Variants in IPCEF1 observed in about 807,000 individuals in gnomAD.
IPCEF1 encodes interactor protein for cytohesin exchange factors 1.
Under a neutral mutation model 50.9 loss-of-function variants are expected in IPCEF1, and 31 were observed. The ratio of observed to expected loss-of-function variants is 0.61; its 90% CI spans 0.46 to 0.82. The LOEUF (loss-of-function observed/expected upper bound fraction) is 0.82, where lower values mean the gene tolerates loss of function less well. IPCEF1 is among the 40% of genes least tolerant of loss of function. The pLI, the probability that IPCEF1 is intolerant of heterozygous loss-of-function variation, is 0.00. For synonymous variants in IPCEF1, 181 were observed against 192.0 expected, an observed-to-expected ratio of 0.94 and a Z score of 0.47; for missense variants, 458 against 514.0, an observed-to-expected ratio of 0.89 and a Z score of 1.05.
At chr6:154,202,855 T>C (rs1241112424) in intron 9 of IPCEF1, among the ~76,000 whole-genome samples, 2 of 150,354 alleles carry the variant, frequency 1.3e-5, no homozygotes, top group East Asian at 1.9e-4. Flanking sequence ...AAAAGAAGAA[T>C]GAAGGGAAAA....
chr6:154,298,932 G>A (rs1203645019), intron 1 of IPCEF1, among the ~76,000 whole-genome samples: 2 of 97,062 alleles, frequency 2.1e-5, no homozygotes, highest in African/African-American at 3.3e-5. Flanking sequence ...ATTGCACTCC[G>A]ACCTGGGCAA....
In IPCEF1 at chr6:154,339,827, G is replaced by T. The variant is rs567867808; in HGVS notation, c.-62+16845C>A. 2.3e-4 allele frequency among the ~76,000 whole-genome samples: 35 copies of T among 152,074 alleles called. No homozygotes were observed. The South Asian group carries it at 7.3e-3, about 32-fold the overall frequency. ...AACCCAGGCTCGTCTGGAACACTTGGGCTCAAGCGAGCCACCCCCCTCACC... is the reference window on the plus strand; with the variant it reads ...AACCCAGGCTCGTCTGGAACACTTGTGCTCAAGCGAGCCACCCCCCTCACC... On this transcript the variant is annotated intron_variant, in intron 1 of 11. Transcript: ENST00000367220.
intron 11 of IPCEF1, among the ~76,000 whole-genome samples, chr6:154,162,395 C>T (rs1799098095): frequency 6.6e-6 from 1 of 152,218 alleles, no homozygotes; most frequent in African/African-American, 2.4e-5. Context: ...GGTTTGGCCC[C>T]CACCATTCAC....
intron 1 of IPCEF1, among the ~76,000 whole-genome samples, chr6:154,341,067 T>C (rs1216938932): frequency 6.6e-6 from 1 of 152,126 alleles, no homozygotes; most frequent in African/African-American, 2.4e-5. Flanking sequence ...AGAGGGGGCT[T>C]CCAGGTCACA....
At chr6:154,180,335 CAAGAAAGGAGACATATATATATATATA>C (rs1562526517) in intron 10 of IPCEF1, among the ~76,000 whole-genome samples, 3 of 131,980 alleles carry the variant, frequency 2.3e-5, no homozygotes, top group Admixed American at 1.5e-4. Context: ...TAGTTAGACT[CAAGAAAGGAGACATATATATATATATA>C]CTGAGCTAGT....
intron 1 of IPCEF1, among the ~76,000 whole-genome samples, chr6:154,313,072 A>AAAAAAAAAAAAAC (rs1783122392): frequency 6.7e-6 from 1 of 148,738 alleles, no homozygotes; most frequent in Non-Finnish European, 1.5e-5. Flanking sequence ...TGTCTCAAAA[A>AAAAAAAAAAAAAC]AAAAAAAAAA....
At chr6:154,207,323 C>A (rs1396490972) in intron 9 of IPCEF1, among the ~76,000 whole-genome samples, 1 of 152,160 alleles carries the variant, frequency 6.6e-6, no homozygotes, top group Non-Finnish European at 1.5e-5. Context: ...GGCTTACAAT[C>A]ATTTTTTGAA....
At chr6:154,202,997 C>G (rs1583787307) in intron 9 of IPCEF1, among the ~76,000 whole-genome samples, 1 of 152,082 alleles carries the variant, frequency 6.6e-6, no homozygotes, top group Non-Finnish European at 1.5e-5. Flanking sequence ...GAAAGTGAAC[C>G]TGGAGTTTAA....
intron 3 of IPCEF1, among the ~76,000 whole-genome samples, chr6:154,250,200 G>T (rs931696632): frequency 6.6e-6 from 1 of 151,444 alleles, no homozygotes; most frequent in Non-Finnish European, 1.5e-5. Context: ...AGTGGAACCC[G>T]TGAACTAGTC....
At chr6:154,309,759 T>C (rs1783028752) in intron 1 of IPCEF1, among the ~76,000 whole-genome samples, 1 of 146,036 alleles carries the variant, frequency 6.8e-6, no homozygotes, top group African/African-American at 2.6e-5. Flanking sequence ...ACTCTGCTTT[T>C]CTTTTCTTGT....
intron 3 of IPCEF1, among the ~76,000 whole-genome samples, chr6:154,260,312 T>C (rs758808489): frequency 1.1e-4 from 16 of 152,150 alleles, no homozygotes; most frequent in Non-Finnish European, 2.4e-4. Flanking sequence ...TACGTAACTT[T>C]TTGTTTCAGG....
chr6:154,226,845 A>T (rs370752189), intron 5 of IPCEF1, among the ~76,000 whole-genome samples: 1 of 151,854 alleles, frequency 6.6e-6, no homozygotes, highest in African/African-American at 2.4e-5. Context: ...CCACAATTTC[A>T]TCTCTCCCCC....
At chr6:154,301,275 G>GGGACCAGCATTCTTACGT (rs1782788733) in intron 1 of IPCEF1, among the ~76,000 whole-genome samples, 1 of 152,192 alleles carries the variant, frequency 6.6e-6, no homozygotes, top group South Asian at 2.1e-4. Context: ...GATGAGGGAA[G>GGGACCAGCATTCTTACGT]GGACCAGCAT....
chr6:154,274,886 T>C (rs1316167173), intron 2 of IPCEF1, among the ~76,000 whole-genome samples: 1 of 152,240 alleles, frequency 6.6e-6, no homozygotes, highest in Non-Finnish European at 1.5e-5. Context: ...GACTTGTTTC[T>C]ACAGAGTTGG....
intron 1 of IPCEF1, among the ~76,000 whole-genome samples, chr6:154,327,408 C>T (rs549228795): frequency 2.0e-5 from 3 of 152,192 alleles, no homozygotes; most frequent in South Asian, 2.1e-4. Flanking sequence ...AGACAAAGAA[C>T]ATGAATAAAC....
At position 154,194,086 on chromosome 6, in the gene IPCEF1, C is replaced by A. The variant is rs540767986; in HGVS notation, c.910+5582G>T. Among the ~76,000 whole-genome samples, 23 of 152,282 alleles carry A rather than the reference C, an allele frequency of 1.5e-4. No homozygotes were observed. The East Asian group carries it at 4.4e-3, about 29-fold the overall frequency. On this transcript the variant is annotated intron_variant, in intron 10 of 11. Coordinates refer to ENST00000367220, the MANE Select transcript of IPCEF1 (RefSeq NM_001130700.2). ...CGCCCAGGGCAGATCACTGTTAATA[C>A]CCGCTCCTCAACGTTTCAAACTGTT...
intron 9 of IPCEF1, among the ~76,000 whole-genome samples, chr6:154,204,300 C>T (rs1777309612): frequency 6.6e-6 from 1 of 152,114 alleles, no homozygotes. Context: ...CACCCAAACC[C>T]TGTAATTAGG....
At chr6:154,301,002 T>A (rs1782779704) in intron 1 of IPCEF1, among the ~76,000 whole-genome samples, 1 of 152,208 alleles carries the variant, frequency 6.6e-6, no homozygotes, top group Non-Finnish European at 1.5e-5. Context: ...AATCAATAAA[T>A]CTATAAAACA....
intron 10 of IPCEF1, among the ~76,000 whole-genome samples, chr6:154,189,821 T>C (rs1446097904): frequency 1.3e-5 from 2 of 151,492 alleles, no homozygotes; most frequent in Non-Finnish European, 2.9e-5. Flanking sequence ...ATACAAAAAT[T>C]ATCTGGGCAT....
Sources: allele counts gnomAD v4.1 joint callset (sites outside exome capture counted in the v4.1 genomes callset), GRCh38; gene constraint gnomAD v4.1.1; transcripts MANE v1.5; gene names NCBI Gene and HGNC (gene_info 2026-07-23, HGNC 2026-07-21).